The following SHROOM3 variants were observed in gnomAD, a reference collection of about 807,000 sequenced individuals.
SHROOM3 encodes the protein protein Shroom3.
SHROOM3 carries 47 observed loss-of-function variants against 138.6 expected under a neutral mutation model. The ratio of observed to expected loss-of-function variants is 0.34; its 90% CI spans 0.27 to 0.43. The LOEUF is 0.43. Ranked by LOEUF, SHROOM3 falls within the 20% of genes least tolerant of loss-of-function variation. The pLI is 1.00. For synonymous variants in SHROOM3, 1,062 were observed against 1,063.3 expected, an observed-to-expected ratio of 1.00 and a Z score of 0.02; for missense variants, 2,491 against 2,596.5, an observed-to-expected ratio of 0.96 and a Z score of 0.88.
chr4:76,586,367 A>G (rs1055849336), intron 2 of SHROOM3: 10 of 985,638 alleles, frequency 1.0e-5, no homozygotes, highest in Non-Finnish European at 1.2e-5. Flanking sequence ...CCAAGCCACC[A>G]AGCCCCCGCG....
At chr4:76,767,072 T>C (rs748114275) in intron 9 of SHROOM3, among the ~76,000 whole-genome samples, 28 of 152,192 alleles carry the variant, frequency 1.8e-4, no homozygotes, top group African/African-American at 6.5e-4. Context: ...CTGATGTCTC[T>C]GAAAACCAAA....
At chr4:76,675,486 A>C (rs1253735308) in intron 2 of SHROOM3, among the ~76,000 whole-genome samples, 1 of 152,190 alleles carries the variant, frequency 6.6e-6, no homozygotes, top group Non-Finnish European at 1.5e-5. Flanking sequence ...TAGACACTGT[A>C]GGTACCCAGA....
intron 1 of SHROOM3, among the ~76,000 whole-genome samples, chr4:76,496,320 C>T (rs1731968593): frequency 6.6e-6 from 1 of 152,170 alleles, no homozygotes; most frequent in African/African-American, 2.4e-5. Flanking sequence ...GCACATGCAG[C>T]TGTTACCTGC....
chr4:76,667,138 GAAGAGTAAAAGAGTTCTGAGTAC>G (rs1306923812), intron 2 of SHROOM3, among the ~76,000 whole-genome samples: 13 of 152,156 alleles, frequency 8.5e-5, no homozygotes, highest in East Asian at 5.8e-4. Flanking sequence ...TCGTAAAACT[GAAGAGTAAAAGAGTTCTGAGTAC>G]AAGAGTAAAA....
At chr4:76,460,999 A>G (rs1731130990) in intron 1 of SHROOM3, among the ~76,000 whole-genome samples, 2 of 151,416 alleles carry the variant, frequency 1.3e-5, no homozygotes, top group Admixed American at 6.6e-5. Flanking sequence ...CTGTTTCGAA[A>G]AAATACAAAT....
chr4:76,546,449 C>T (rs1271141253), intron 1 of SHROOM3, among the ~76,000 whole-genome samples: 1 of 152,142 alleles, frequency 6.6e-6, no homozygotes, highest in African/African-American at 2.4e-5. Context: ...GTTCTGGTGC[C>T]AAAACAATGC....
At chr4:76,680,405 C>T (rs1300870999) in intron 2 of SHROOM3, among the ~76,000 whole-genome samples, 2 of 152,206 alleles carry the variant, frequency 1.3e-5, no homozygotes, top group African/African-American at 4.8e-5. Context: ...TCCCAAAGTA[C>T]TGGGATTACA....
intron 1 of SHROOM3, among the ~76,000 whole-genome samples, chr4:76,456,653 CA>C (rs1731033087): frequency 6.6e-6 from 1 of 152,070 alleles, no homozygotes; most frequent in Non-Finnish European, 1.5e-5. Context: ...ACTATGGGGC[CA>C]CTGAAAATAA....
At chr4:76,609,502 C>G (rs961578943) in intron 2 of SHROOM3, among the ~76,000 whole-genome samples, 10 of 152,164 alleles carry the variant, frequency 6.6e-5, no homozygotes, top group African/African-American at 1.9e-4. Flanking sequence ...CTAGGCTGGC[C>G]TCATGAGATT....
intron 1 of SHROOM3, 149 bp downstream of exon 1, chr4:76,436,369 GC>G: frequency 2.2e-6 from 2 of 928,720 alleles, no homozygotes; most frequent in Non-Finnish European, 3.2e-6. Flanking sequence ...ATTTTGGATA[GC>G]CTGGGATTTG....
At chr4:76,518,020 C>T (rs764016668) in intron 1 of SHROOM3, among the ~76,000 whole-genome samples, 37 of 151,894 alleles carry the variant, frequency 2.4e-4, no homozygotes, top group Non-Finnish European at 4.3e-4. Flanking sequence ...TTTTTTTAGT[C>T]CAGAGGGACA....
Position 76,741,400 on chromosome 4 carries a change from C to T in SHROOM3, c.3227C>T (p.Pro1076Leu). 6.2e-7 allele frequency: 1 copy of T among 1,600,728 alleles called. No homozygotes were observed. The highest frequency in any genetic ancestry group is 8.5e-7 in the Non-Finnish European group (1 of 1,174,646). ...KACSTLSLSG[P>L]ELKQFQQSAL... ...TGCTCCACGCTCAGCCTGTCGGGGCCCGAGCTGAAGCAGTTCCAGCAGAGC... is the reference window on the plus strand; with the variant it reads ...TGCTCCACGCTCAGCCTGTCGGGGCTCGAGCTGAAGCAGTTCCAGCAGAGC... Residue 1076 changes from proline to leucine, a missense_variant, in exon 5 of 11, where the codon CCC (proline) becomes CTC (leucine). Pro to Leu is a moderately conservative substitution (Grantham distance 98). This residue lies in a region of SHROOM3 where 1,733 missense variants were observed against 1,661.6 expected (regional missense o/e 1.04). Coordinates refer to ENST00000296043, the MANE Select transcript of SHROOM3 (RefSeq NM_020859.4). This position sits in a 1 kb window ranked among gnomAD's most constrained non-coding sequence, Gnocchi z 6.2.
intron 1 of SHROOM3, among the ~76,000 whole-genome samples, chr4:76,492,458 GTTC>G (rs1311737933): frequency 6.6e-6 from 1 of 152,120 alleles, no homozygotes; most frequent in African/African-American, 2.4e-5. Flanking sequence ...TCTTTGTCAT[GTTC>G]TTCTTTTCGG....
chr4:76,708,517 C>T (rs934458612), intron 2 of SHROOM3, among the ~76,000 whole-genome samples: 2 of 152,148 alleles, frequency 1.3e-5, no homozygotes, highest in Non-Finnish European at 2.9e-5. Context: ...AAGTTAGGGT[C>T]TAAAGGGGTC....
At chr4:76,611,587 T>A (rs140404544) in intron 2 of SHROOM3, among the ~76,000 whole-genome samples, 58 of 152,314 alleles carry the variant, frequency 3.8e-4, no homozygotes, top group African/African-American at 1.4e-3. Context: ...GTGAACTTTC[T>A]GGCTGTAATT....
chr4:76,459,563 A>C (rs974448903), intron 1 of SHROOM3, among the ~76,000 whole-genome samples: 1 of 152,158 alleles, frequency 6.6e-6, no homozygotes, highest in African/African-American at 2.4e-5. Flanking sequence ...GGAGCAGTAC[A>C]CGGAGAAAAA....
Position 76,551,342 on chromosome 4 carries a change from A to G in SHROOM3, c.169-4267A>G, listed in dbSNP as rs530417289. Among the ~76,000 whole-genome samples, 66 of 152,338 alleles carry G rather than the reference A, an allele frequency of 4.3e-4. 2 individuals carry two copies. Among genetic ancestry groups the G allele is most frequent in the African/African-American group, 1.5e-3 (64 of 41,578 alleles). ...GTCATGAGGACATGATATAAACTATACAAATGAGCTTTCTTGACTTCCTTT... is the reference window on the plus strand; with the variant it reads ...GTCATGAGGACATGATATAAACTATGCAAATGAGCTTTCTTGACTTCCTTT... On this transcript the variant is annotated intron_variant, in intron 1 of 10. Transcript: ENST00000296043.
chr4:76,710,188 C>G lies in SHROOM3; in HGVS notation c.356C>G (p.Thr119Ser). 6.8e-6 allele frequency: 11 copies of G among 1,614,176 alleles called. No individual in the cohort carries two copies. Among genetic ancestry groups the G allele is most frequent in the Non-Finnish European group, 7.6e-6 (9 of 1,180,020 alleles). The change falls in exon 3 of 11, where the codon ACT becomes AGT. Residue 119 changes from threonine to serine, a missense_variant. Coordinates refer to ENST00000296043, the MANE Select transcript of SHROOM3 (RefSeq NM_020859.4). Reference protein sequence around the residue: ...DVCTDPGHADTGASNFVSPEH... With the variant: ...DVCTDPGHADSGASNFVSPEH... ...TGCACAGACCCAGGCCATGCAGATA[C>G]TGGTGCCTCTAACTTCGTCAGCCCA...
intron 1 of SHROOM3, among the ~76,000 whole-genome samples, chr4:76,546,220 T>C (rs1450627675): frequency 6.6e-6 from 1 of 152,192 alleles, no homozygotes; most frequent in East Asian, 1.9e-4. Flanking sequence ...GGGCCAGAGT[T>C]GGGATTAGAG....
Sources: allele counts gnomAD v4.1 joint callset (sites outside exome capture counted in the v4.1 genomes callset), GRCh38; gene constraint gnomAD v4.1.1; regional missense constraint gnomAD v4.1.1; non-coding constraint Gnocchi (gnomAD v3.1); transcripts MANE v1.5; gene names NCBI Gene and HGNC (gene_info 2026-07-23, HGNC 2026-07-21).